Variants in SNX9 observed in about 807,000 individuals in gnomAD.
The protein encoded by SNX9 is sorting nexin 9, also known as sorting nexin-9.
A neutral mutation model predicts 89.4 loss-of-function variants in SNX9; 44 were observed. The observed-to-expected ratio is 0.49, with a 90% confidence interval of 0.39 to 0.63. SNX9 has a LOEUF of 0.63. Ranked by LOEUF, SNX9 falls within the 30% of genes least tolerant of loss-of-function variation. The pLI, the probability that SNX9 is intolerant of heterozygous loss-of-function variation, is 0.00. For synonymous variants in SNX9, 236 were observed against 247.8 expected, an observed-to-expected ratio of 0.95 and a Z score of 0.45; for missense variants, 578 against 736.1, an observed-to-expected ratio of 0.79 and a Z score of 2.49.
At chr6:157,862,308 CAAGAT>C (rs1316974680) in intron 1 of SNX9, among the ~76,000 whole-genome samples, 4 of 152,060 alleles carry the variant, frequency 2.6e-5, no homozygotes, top group East Asian at 3.9e-4. Flanking sequence ...CTTAATAAGT[CAAGAT>C]AAGATTGAGG....
chr6:157,899,927 G>A (rs9347745), intron 5 of SNX9, among the ~76,000 whole-genome samples: 37,590 of 151,818 alleles, frequency 0.25, 4,927 homozygotes, highest in African/African-American at 0.34. Context: ...GTGCAAGTGC[G>A]TGCCTGTGGG....
intron 2 of SNX9, among the ~76,000 whole-genome samples, chr6:157,870,623 C>T (rs1487445959): frequency 6.7e-6 from 1 of 150,106 alleles, no homozygotes; most frequent in Non-Finnish European, 1.5e-5. Context: ...CACCTGCCCT[C>T]ACACATACCC....
intron 2 of SNX9, among the ~76,000 whole-genome samples, chr6:157,870,128 C>T (rs1017680898): frequency 1.3e-5 from 2 of 151,362 alleles, no homozygotes; most frequent in East Asian, 3.9e-4. Context: ...CACCTGCACT[C>T]ACACATGTGA....
chr6:157,884,622 T>C (rs1782695129), intron 4 of SNX9, among the ~76,000 whole-genome samples: 1 of 152,132 alleles, frequency 6.6e-6, no homozygotes, highest in South Asian at 2.1e-4. Context: ...TTCTTTTTAG[T>C]TGGTAATAGG....
At chr6:157,837,941 A>T (rs1781617300) in intron 1 of SNX9, among the ~76,000 whole-genome samples, 7 of 152,222 alleles carry the variant, frequency 4.6e-5, no homozygotes, top group Admixed American at 4.6e-4. Context: ...GGCTGTGGTT[A>T]ACATTAGAAT....
chr6:157,874,668 C>T (rs556714324), intron 3 of SNX9: 63 of 172,498 alleles, frequency 3.7e-4, no homozygotes, highest in African/African-American at 1.3e-3. Flanking sequence ...TAAGACAGAC[C>T]ACATATTCTG....
intron 1 of SNX9, among the ~76,000 whole-genome samples, chr6:157,847,210 C>T (rs1781822532): frequency 6.6e-6 from 1 of 152,128 alleles, no homozygotes; most frequent in Non-Finnish European, 1.5e-5. Context: ...TCAGGTGATC[C>T]TCCTACCTCA....
intron 10 of SNX9, among the ~76,000 whole-genome samples, chr6:157,924,984 G>A (rs904392910): frequency 6.6e-6 from 1 of 152,176 alleles, no homozygotes; most frequent in Admixed American, 6.5e-5. Context: ...TCCTATCCTA[G>A]AGAGCAGGGA....
chr6:157,929,940 T>C (rs181095114), intron 12 of SNX9, among the ~76,000 whole-genome samples: 14 of 152,374 alleles, frequency 9.2e-5, no homozygotes, highest in East Asian at 7.7e-4. Context: ...TTGCCACTTA[T>C]TTTGTAAATA....
intron 1 of SNX9, chr6:157,829,406 C>G (rs115389437): frequency 6.6e-6 from 1 of 152,160 alleles, no homozygotes; most frequent in Non-Finnish European, 1.5e-5. Context: ...TTGAGGCTAA[C>G]TTTATTCCCA....
intron 1 of SNX9, among the ~76,000 whole-genome samples, chr6:157,826,692 T>C (rs1446421366): frequency 7.7e-6 from 1 of 129,516 alleles, no homozygotes; most frequent in Non-Finnish European, 1.5e-5. Flanking sequence ...TTGACCTTTA[T>C]TGGAAGCCTC....
intron 1 of SNX9, among the ~76,000 whole-genome samples, chr6:157,842,065 C>A (rs1015640447): frequency 5.3e-5 from 8 of 152,004 alleles, no homozygotes; most frequent in African/African-American, 1.9e-4. Context: ...ATATATATCT[C>A]CAAAACTGTA....
chr6:157,900,606 T>A (rs1264945661), intron 5 of SNX9, among the ~76,000 whole-genome samples: 2 of 151,544 alleles, frequency 1.3e-5, no homozygotes. Context: ...AGGGCGGGGG[T>A]AGGTTAGTGA....
intron 4 of SNX9, 74 bp from the exon 5 acceptor site, chr6:157,896,753 T>A: frequency 2.0e-6 from 3 of 1,499,678 alleles, no homozygotes; most frequent in Non-Finnish European, 2.8e-6. Flanking sequence ...TTCAATTGTG[T>A]CAGTTCATTA....
In SNX9 at chr6:157,915,658, C is replaced by CACATATATATATAT. The variant is rs1554296804; in HGVS notation, c.949+5636_949+5637insTATATATATATACA. On this transcript the variant is annotated intron_variant, in intron 9 of 17. Transcript: ENST00000392185. ...AAAAAAAAATATATATATATATATA[C>CACATATATATATAT]ACACACACACACAAAAATTAGCCAG... Among the ~76,000 whole-genome samples, 458 of 110,608 alleles carry CACATATATATATAT rather than the reference C, an allele frequency of 4.1e-3. 3 individuals are homozygous for CACATATATATATAT. Among genetic ancestry groups the CACATATATATATAT allele is most frequent in the South Asian group, 8.8e-3 (29 of 3,314 alleles). 72.6% of individuals were successfully genotyped at this position (110,608 alleles called of 152,430 possible). A position where few individuals can be genotyped will look rare whatever the true frequency, so the allele number is the denominator to read the frequency against.
intron 1 of SNX9, among the ~76,000 whole-genome samples, chr6:157,837,546 T>A (rs775112207): frequency 3.5e-4 from 53 of 152,368 alleles, no homozygotes; most frequent in Non-Finnish European, 6.8e-4. Context: ...CTAATTTTGA[T>A]GAATTTGAAT....
At chr6:157,898,050 T>A (rs572157351) in intron 5 of SNX9, among the ~76,000 whole-genome samples, 1 of 152,196 alleles carries the variant, frequency 6.6e-6, no homozygotes, top group South Asian at 2.1e-4. Context: ...GAACAAAAGA[T>A]ACACCTTGCA....
chr6:157,847,251 C>T (rs969375228), intron 1 of SNX9, among the ~76,000 whole-genome samples: 2 of 152,072 alleles, frequency 1.3e-5, no homozygotes, highest in Admixed American at 6.5e-5. Context: ...CACAGGTGTG[C>T]ACCACACTGC....
chr6:157,826,742 T>C (rs1189530633), intron 1 of SNX9, among the ~76,000 whole-genome samples: 1 of 131,410 alleles, frequency 7.6e-6, no homozygotes, highest in Non-Finnish European at 1.5e-5. Context: ...ATAACCTATT[T>C]ATATTATAGG....
Sources: allele counts gnomAD v4.1 joint callset (sites outside exome capture counted in the v4.1 genomes callset), GRCh38; gene constraint gnomAD v4.1.1; transcripts MANE v1.5; gene names NCBI Gene and HGNC (gene_info 2026-07-23, HGNC 2026-07-21).